The following CNTNAP2 variants were observed in gnomAD, a reference collection of about 807,000 sequenced individuals.
The protein encoded by CNTNAP2 is contactin associated protein 2.
A neutral mutation model predicts 155.2 loss-of-function variants in CNTNAP2; 98 were observed. The ratio of observed to expected loss-of-function variants is 0.63; its 90% CI spans 0.54 to 0.75. CNTNAP2 has a LOEUF of 0.75. Ranked by LOEUF, CNTNAP2 falls within the 30% of genes least tolerant of loss-of-function variation. The probability of loss-of-function intolerance (pLI) is 0.00; values close to 1 mark genes in which losing one functional copy is unlikely to be tolerated. For missense variants in CNTNAP2, 1,727 were observed against 1,688.1 expected (o/e 1.02, Z -0.40); for synonymous variants, 651 against 631.2 (o/e 1.03, Z -0.47).
chr7:147,726,624 G>A (rs935691279), intron 13 of CNTNAP2, among the ~76,000 whole-genome samples: 16 of 151,926 alleles, frequency 1.1e-4, no homozygotes, highest in Admixed American at 2.0e-4. Context: ...CCTGGGTCAG[G>A]TCACAATGCT....
intron 1 of CNTNAP2, among the ~76,000 whole-genome samples, chr7:146,405,323 A>G (rs1415726470): frequency 6.6e-6 from 1 of 152,184 alleles, no homozygotes; most frequent in East Asian, 1.9e-4. Context: ...GAATCCTTAC[A>G]TTATGAAACT....
intron 12 of CNTNAP2, among the ~76,000 whole-genome samples, chr7:147,565,195 C>T (rs1005302886): frequency 6.6e-6 from 1 of 152,042 alleles, no homozygotes; most frequent in African/African-American, 2.4e-5. Context: ...GAGAAATGAG[C>T]CATATAAATC....
At chr7:148,166,756 C>G (rs1320240912) in intron 17 of CNTNAP2, among the ~76,000 whole-genome samples, 1 of 152,158 alleles carries the variant, frequency 6.6e-6, no homozygotes, top group East Asian at 1.9e-4. Flanking sequence ...GCAGGGGGCT[C>G]TCTACAATGA....
intron 1 of CNTNAP2, among the ~76,000 whole-genome samples, chr7:146,666,496 C>T (rs1282895499): frequency 6.6e-6 from 1 of 152,100 alleles, no homozygotes; most frequent in Non-Finnish European, 1.5e-5. Context: ...CTCATTTCAT[C>T]TCCTTTGGGT....
chr7:147,162,368 A>T (rs1439057569), intron 8 of CNTNAP2, among the ~76,000 whole-genome samples: 2 of 152,168 alleles, frequency 1.3e-5, no homozygotes, highest in African/African-American at 4.8e-5. Context: ...CAAAATTAAA[A>T]AAAGACTGTT....
chr7:147,287,393 A>T (rs1805204319), intron 8 of CNTNAP2, among the ~76,000 whole-genome samples: 1 of 152,066 alleles, frequency 6.6e-6, no homozygotes, highest in African/African-American at 2.4e-5. Context: ...CTGACTTAGC[A>T]GGGTTCTTTG....
At chr7:147,576,901 C>A (rs1800406151) in intron 12 of CNTNAP2, among the ~76,000 whole-genome samples, 2 of 152,024 alleles carry the variant, frequency 1.3e-5, no homozygotes, top group Admixed American at 1.3e-4. Context: ...GGGTGACTGA[C>A]CAGCCTTACA....
chr7:148,270,794 T>C (rs574759877), intron 21 of CNTNAP2, among the ~76,000 whole-genome samples: 14 of 152,338 alleles, frequency 9.2e-5, no homozygotes, highest in African/African-American at 3.4e-4. Context: ...AGGCAGAGCT[T>C]GTTAGACTGG....
intron 14 of CNTNAP2, among the ~76,000 whole-genome samples, chr7:147,921,627 T>C (rs1800281996): frequency 6.6e-6 from 1 of 152,220 alleles, no homozygotes; most frequent in South Asian, 2.1e-4. Flanking sequence ...CCCCTGCTAT[T>C]ATCATCTTTA....
At chr7:147,853,540 C>A (rs1584991999) in intron 13 of CNTNAP2, among the ~76,000 whole-genome samples, 1 of 152,302 alleles carries the variant, frequency 6.6e-6, no homozygotes, top group Middle Eastern at 3.4e-3. Flanking sequence ...GGAGAGGAAT[C>A]TAAATTAGAA....
chr7:147,540,243 G>C (rs1799614915), intron 11 of CNTNAP2, among the ~76,000 whole-genome samples: 1 of 151,890 alleles, frequency 6.6e-6, no homozygotes, highest in Non-Finnish European at 1.5e-5. Context: ...TGTCACTCCA[G>C]ACCCCCCAGA....
intron 1 of CNTNAP2, among the ~76,000 whole-genome samples, chr7:146,553,091 T>G (rs552698421): frequency 6.6e-6 from 1 of 152,288 alleles, no homozygotes; most frequent in East Asian, 1.9e-4. Context: ...CTTTGAGACA[T>G]GTATTTTAGT....
In CNTNAP2 at chr7:146,492,432, G is replaced by A. The variant is rs150128491; in HGVS notation, c.98-281839G>A. On this transcript the variant is annotated intron_variant, in intron 1 of 23. Transcript: ENST00000361727. Reference sequence around the variant, plus strand: ...GGTTAGGCATCACAAATCAATCCACGTTTTAAACATTTGGAGTTTCATCTT... The same window carrying A: ...GGTTAGGCATCACAAATCAATCCACATTTTAAACATTTGGAGTTTCATCTT... Among the ~76,000 whole-genome samples, 311 of 152,256 alleles carry A rather than the reference G, an allele frequency of 2.0e-3. 1 individual carries two copies. The highest frequency in any genetic ancestry group is 7.0e-3 in the African/African-American group (289 of 41,558).
Position 146,484,267 on chromosome 7 carries a change from C to T in CNTNAP2, c.98-290004C>T, listed in dbSNP as rs187249025. On this transcript the variant is annotated intron_variant, in intron 1 of 23. Coordinates refer to ENST00000361727, the MANE Select transcript of CNTNAP2 (RefSeq NM_014141.6). ...TGTTCACATAATGAAATTCACCTAA[C>T]ACCACATTTCTCAGAATATTTTCCC... 5.1e-3 allele frequency among the ~76,000 whole-genome samples: 776 copies of T among 152,282 alleles called. 8 individuals carry two copies. Among genetic ancestry groups the T allele is most frequent in the African/African-American group, 0.018 (740 of 41,562 alleles).
intron 1 of CNTNAP2, among the ~76,000 whole-genome samples, chr7:146,356,321 T>C (rs949690898): frequency 2.0e-5 from 3 of 152,194 alleles, no homozygotes; most frequent in African/African-American, 7.2e-5. Flanking sequence ...GTTTTTTACC[T>C]TTCAGAGGTC....
chr7:147,100,921 A>G (rs1416334715), intron 4 of CNTNAP2, among the ~76,000 whole-genome samples: 2 of 152,208 alleles, frequency 1.3e-5, no homozygotes, highest in African/African-American at 4.8e-5. Context: ...GAGAAGTAAA[A>G]TGATAAAAGT....
intron 8 of CNTNAP2, among the ~76,000 whole-genome samples, chr7:147,142,276 A>G (rs1002703708): frequency 2.0e-5 from 3 of 152,282 alleles, no homozygotes; most frequent in African/African-American, 7.2e-5. Context: ...GAGAGTTTTT[A>G]GCATGAAGTG....
chr7:148,384,512 A>G (rs986437168), intron 22 of CNTNAP2, among the ~76,000 whole-genome samples: 1 of 152,234 alleles, frequency 6.6e-6, no homozygotes, highest in Non-Finnish European at 1.5e-5. Context: ...ACAGCCTATT[A>G]AGCTGTATCT....
chr7:147,654,904 C>T (rs967160615), intron 13 of CNTNAP2, among the ~76,000 whole-genome samples: 7 of 146,572 alleles, frequency 4.8e-5, no homozygotes, highest in African/African-American at 1.5e-4. Context: ...GCAACCTCCA[C>T]CTCCCAGGAT....
Sources: gnomAD v4.1 joint callset for allele counts (sites outside exome capture counted in the v4.1 genomes callset) on GRCh38, gnomAD v4.1.1 for gene constraint, MANE v1.5 for transcripts, NCBI Gene and HGNC (gene_info 2026-07-23, HGNC 2026-07-21) for gene names.